Variants in PITPNC1 observed in about 807,000 individuals in gnomAD.
The protein encoded by PITPNC1 is phosphatidylinositol transfer protein cytoplasmic 1.
In PITPNC1, 18 loss-of-function variants were observed where a neutral mutation model predicts 44.7. That is an observed-to-expected ratio of 0.40 (90% confidence interval 0.28 to 0.60). The LOEUF is 0.60. Ranked by LOEUF, PITPNC1 falls within the 20% of genes least tolerant of loss-of-function variation. The probability of loss-of-function intolerance (pLI) is 0.39; values close to 1 mark genes in which losing one functional copy is unlikely to be tolerated. For missense variants in PITPNC1, 290 were observed against 418.4 expected, an observed-to-expected ratio of 0.69 and a Z score of 2.68; for synonymous variants, 141 against 149.6, an observed-to-expected ratio of 0.94 and a Z score of 0.42.
intron 1 of PITPNC1, among the ~76,000 whole-genome samples, chr17:67,403,234 A>AAAAAAAAAAAAAAAC (rs2038348724): frequency 6.6e-6 from 1 of 151,072 alleles, no homozygotes; most frequent in Non-Finnish European, 1.5e-5. Flanking sequence ...AAAAAAAAAA[A>AAAAAAAAAAAAAAAC]AAAAAAAGTC....
intron 4 of PITPNC1, among the ~76,000 whole-genome samples, chr17:67,572,470 G>T (rs1034782339): frequency 1.5e-5 from 1 of 67,626 alleles, no homozygotes; most frequent in Admixed American, 1.6e-4. Context: ...GGGTAAAGCG[G>T]GGGGGGGGGG....
chr17:67,448,288 G>A (rs2039129012), intron 1 of PITPNC1, among the ~76,000 whole-genome samples: 1 of 151,940 alleles, frequency 6.6e-6, no homozygotes, highest in Non-Finnish European at 1.5e-5. Flanking sequence ...TGATTTTGGG[G>A]GCTTAATTTA....
At chr17:67,431,389 T>A (rs2038855460) in intron 1 of PITPNC1, among the ~76,000 whole-genome samples, 1 of 152,072 alleles carries the variant, frequency 6.6e-6, no homozygotes, top group Admixed American at 6.6e-5. Context: ...GCTTTCCCCC[T>A]CTTTCTGCGT....
chr17:67,591,903 G>T (rs949114472), intron 5 of PITPNC1, among the ~76,000 whole-genome samples: 6 of 150,792 alleles, frequency 4.0e-5, no homozygotes, highest in Non-Finnish European at 8.9e-5. Context: ...GTAGAGATGG[G>T]CATCTCGCTG....
intron 5 of PITPNC1, among the ~76,000 whole-genome samples, chr17:67,617,316 G>T (rs1428755034): frequency 1.3e-5 from 2 of 152,194 alleles, no homozygotes; most frequent in African/African-American, 2.4e-5. Flanking sequence ...GACTAGCCTG[G>T]CCACCATAGT....
chr17:67,431,062 C>CTTTT (rs6146118), intron 1 of PITPNC1, among the ~76,000 whole-genome samples: 46,296 of 132,520 alleles, frequency 0.35, 9,002 homozygotes, highest in Non-Finnish European at 0.42. Flanking sequence ...GTTACTGTTT[C>CTTTT]TTTTTTTTTT....
intron 6 of PITPNC1, among the ~76,000 whole-genome samples, chr17:67,641,374 A>G (rs2042090742): frequency 6.6e-6 from 1 of 152,206 alleles, no homozygotes. Context: ...CATAAATAGT[A>G]TTATTTTATA....
intron 5 of PITPNC1, among the ~76,000 whole-genome samples, chr17:67,621,180 C>CATTTTATTTTATTTTATTTTATTTT (rs10653389): frequency 0.1 from 13,619 of 129,718 alleles, 1,098 homozygotes; most frequent in Middle Eastern, 0.13. Flanking sequence ...GTCTGAAGCA[C>CATTTTATTTTATTTTATTTTATTTT]ATTTTATTTT....
intron 1 of PITPNC1, among the ~76,000 whole-genome samples, chr17:67,494,211 T>A: frequency 6.7e-6 from 1 of 149,430 alleles, no homozygotes. Flanking sequence ...CTTTCTTTCT[T>A]TCTTTTTGAG....
In PITPNC1 at chr17:67,433,443, G is replaced by C. The variant is rs141130277; in HGVS notation, c.48+55241G>C. On this transcript the variant is annotated intron_variant, in intron 1 of 8. Coordinates refer to ENST00000581322, the MANE Select transcript of PITPNC1 (RefSeq NM_012417.4). ...GCAAGCCAGCCCCGGGCAGAAGATA[G>C]AACAGAGAGGAAGCTGGGGAGCCGG... 6.2e-3 allele frequency among the ~76,000 whole-genome samples: 939 copies of C among 152,290 alleles called. 8 individuals carry two copies. Among genetic ancestry groups the C allele is most frequent in the African/African-American group, 0.022 (907 of 41,564 alleles).
At chr17:67,454,251 C>CAA (rs71293569) in intron 1 of PITPNC1, among the ~76,000 whole-genome samples, 123 of 132,808 alleles carry the variant, frequency 9.3e-4, no homozygotes, top group Middle Eastern at 4.0e-3. Flanking sequence ...ACTCCGTTCT[C>CAA]AAAAAAAAAA....
chr17:67,474,876 ACTCTTGGGCTCAAGCAGTCCTCCTAC>A (rs2039604422), intron 1 of PITPNC1, among the ~76,000 whole-genome samples: 1 of 151,264 alleles, frequency 6.6e-6, no homozygotes, highest in Non-Finnish European at 1.5e-5. Context: ...CTGGTCTCAA[ACTCTTGGGCTCAAGCAGTCCTCCTAC>A]CTCAGCCTCC....
intron 1 of PITPNC1, among the ~76,000 whole-genome samples, chr17:67,464,535 T>C (rs910711753): frequency 5.9e-5 from 9 of 152,080 alleles, no homozygotes; most frequent in Non-Finnish European, 8.8e-5. Flanking sequence ...AAAGGAAGAA[T>C]GGTAAATTGG....
chr17:67,492,165 A>G (rs1219177877), intron 1 of PITPNC1, among the ~76,000 whole-genome samples: 1 of 152,186 alleles, frequency 6.6e-6, no homozygotes, highest in African/African-American at 2.4e-5. Context: ...CTGACACCCA[A>G]GTAACTGTAG....
intron 1 of PITPNC1, among the ~76,000 whole-genome samples, chr17:67,453,388 A>G (rs2039211559): frequency 6.6e-6 from 1 of 152,156 alleles, no homozygotes; most frequent in Admixed American, 6.5e-5. Context: ...GGAGGAGGAA[A>G]GAAACTCAAT....
At chr17:67,533,090 A>G in intron 2 of PITPNC1, 140 bp downstream of exon 2, 1 of 642,262 alleles carries the variant, frequency 1.6e-6, no homozygotes, top group Non-Finnish European at 2.6e-6. Context: ...CACCAATCTC[A>G]TTGTTTTTGA....
intron 1 of PITPNC1, among the ~76,000 whole-genome samples, chr17:67,446,148 T>C (rs2039089650): frequency 6.6e-6 from 1 of 151,798 alleles, no homozygotes; most frequent in African/African-American, 2.4e-5. Flanking sequence ...GGTTTCACCA[T>C]GTTGGCCAGG....
intron 1 of PITPNC1, among the ~76,000 whole-genome samples, chr17:67,393,167 T>A (rs535165481): frequency 1.3e-5 from 2 of 151,584 alleles, no homozygotes; most frequent in South Asian, 2.1e-4. Flanking sequence ...GTTAAAAATA[T>A]ACACATAACA....
intron 8 of PITPNC1, among the ~76,000 whole-genome samples, chr17:67,684,554 ACT>A (rs2042778459): frequency 6.6e-6 from 1 of 152,146 alleles, no homozygotes; most frequent in African/African-American, 2.4e-5. Flanking sequence ...CAAAATAATC[ACT>A]GTTAACATTT....
Sources: allele counts gnomAD v4.1 joint callset (sites outside exome capture counted in the v4.1 genomes callset), GRCh38; gene constraint gnomAD v4.1.1; transcripts MANE v1.5; gene names NCBI Gene and HGNC (gene_info 2026-07-23, HGNC 2026-07-21).